G3BP1: variants seen among roughly 807,000 people sequenced by gnomAD.
The protein encoded by G3BP1 is ras GTPase-activating protein-binding protein 1.
Under a neutral mutation model 58.6 loss-of-function variants are expected in G3BP1, and 35 were observed. The ratio of observed to expected loss-of-function variants is 0.60; its 90% CI spans 0.46 to 0.79. G3BP1 has a LOEUF of 0.79. G3BP1 is among the 30% of genes least tolerant of loss of function. The pLI is 0.00. For missense variants in G3BP1, 523 were observed against 580.8 expected, an observed-to-expected ratio of 0.90 and a Z score of 1.02; for synonymous variants, 191 against 195.4, an observed-to-expected ratio of 0.98 and a Z score of 0.19.
chr5:151,782,969 T>G (rs1170600403), intron 1 of G3BP1, among the ~76,000 whole-genome samples: 1 of 149,670 alleles, frequency 6.7e-6, no homozygotes, highest in East Asian at 2.0e-4. Context: ...GCGATTCTCC[T>G]GCCTCAGCCT....
At position 151,804,137 on chromosome 5, in the gene G3BP1, G is replaced by A. The variant is rs373226920; in HGVS notation, c.*46G>A. On this transcript the variant is annotated 3_prime_UTR_variant, in exon 12 of 12. Transcript: ENST00000356245. The stretch of plus-strand genomic sequence containing the variant: ...AGCCATACAAACCCTGGTTCCAACA[G>A]AATGGTGAATTTTCGACAGCCTTTG... The A allele has an allele frequency of 2.0e-5, 28 of 1,383,788 alleles. 1 individual carries two copies. Among genetic ancestry groups the A allele is most frequent in the Non-Finnish European group, 2.8e-5 (28 of 1,002,712 alleles). 85.7% of individuals were successfully genotyped at this position (1,383,788 alleles called of 1,614,324 possible).
rs1219925489 is a variant in G3BP1, at chr5:151,805,998, A to C, written c.*1907A>C. On this transcript the variant is annotated 3_prime_UTR_variant, in exon 12 of 12. Coordinates refer to ENST00000356245, the MANE Select transcript of G3BP1 (RefSeq NM_005754.3). The stretch of plus-strand genomic sequence containing the variant: ...AGACTTAAGGGCATTAACTAGATGC[A>C]GCAATCCTCAGCTTGGTGTTATCAC... 1 of 152,232 alleles carries C rather than the reference A, an allele frequency of 6.6e-6. No homozygotes were observed. Among genetic ancestry groups the C allele is most frequent in the African/African-American group, 2.4e-5 (1 of 41,456 alleles). The allele number at this position is 152,232 out of a possible 1,614,324, so 9.4% of individuals were successfully genotyped here.
intron 1 of G3BP1, chr5:151,772,748 C>T (rs1335195076): frequency 6.6e-6 from 1 of 152,236 alleles, no homozygotes; most frequent in Non-Finnish European, 1.5e-5. Flanking sequence ...ACGGGAAGGG[C>T]GGGGATTTGT....
At chr5:151,779,661 C>T (rs190866746) in intron 1 of G3BP1, among the ~76,000 whole-genome samples, 5 of 152,282 alleles carry the variant, frequency 3.3e-5, no homozygotes, top group African/African-American at 9.6e-5. Flanking sequence ...GTTATGTGCT[C>T]GCTTTCTGGC....
In G3BP1 at chr5:151,809,941, C is replaced by G. The variant is rs1242305303; in HGVS notation, c.*5850C>G. 1 of 152,144 alleles carries G rather than the reference C, an allele frequency of 6.6e-6. No individual in the cohort carries two copies. Among genetic ancestry groups the G allele is most frequent in the Non-Finnish European group, 1.5e-5 (1 of 68,034 alleles). The allele number at this position is 152,144 out of a possible 1,614,324, so 9.4% of individuals were successfully genotyped here. Reference sequence around the variant, plus strand: ...CAGGGATGGGTTTACTACTAGCTGTCAGAAAGCTATTGGGTATCCTAATGT... The same window carrying G: ...CAGGGATGGGTTTACTACTAGCTGTGAGAAAGCTATTGGGTATCCTAATGT... On this transcript the variant is annotated 3_prime_UTR_variant, in exon 12 of 12. Transcript: ENST00000356245.
chr5:151,812,599 GACTCTGAGATTGCAC>G lies in G3BP1; in HGVS notation c.*8514_*8528del, dbSNP rs1763032033. 1 of 152,354 alleles carries G rather than the reference GACTCTGAGATTGCAC, an allele frequency of 6.6e-6. No homozygotes were observed. 9.4% of individuals were successfully genotyped at this position (152,354 alleles called of 1,614,324 possible). On this transcript the variant is annotated 3_prime_UTR_variant, in exon 12 of 12. Coordinates refer to ENST00000356245, the MANE Select transcript of G3BP1 (RefSeq NM_005754.3). Reference sequence around the variant, plus strand: ...CATTTGCTTTGGCCAGGTTGGGTGGGACTCTGAGATTGCACACTCTTGCCCTGTTGGCAGAAACTA... The same window carrying G: ...CATTTGCTTTGGCCAGGTTGGGTGGGACTCTTGCCCTGTTGGCAGAAACTA...
intron 11 of G3BP1, among the ~76,000 whole-genome samples, chr5:151,802,711 A>G (rs992200271): frequency 2.6e-5 from 4 of 152,200 alleles, no homozygotes; most frequent in African/African-American, 7.2e-5. Context: ...AGGCGGGCGG[A>G]TCACGAGGTC....
intron 1 of G3BP1, among the ~76,000 whole-genome samples, chr5:151,785,322 A>G (rs1762538654): frequency 6.6e-6 from 1 of 152,218 alleles, no homozygotes. Context: ...ATAAATACTA[A>G]TTGGGGTAGA....
chr5:151,788,965 C>T (rs940938417), intron 2 of G3BP1, among the ~76,000 whole-genome samples: 2 of 152,012 alleles, frequency 1.3e-5, no homozygotes, highest in South Asian at 2.1e-4. Flanking sequence ...TTGGTGGAGA[C>T]GGTTTCCCTG....
At chr5:151,790,002 A>C (rs1402007647) in intron 2 of G3BP1, among the ~76,000 whole-genome samples, 3 of 151,606 alleles carry the variant, frequency 2.0e-5, no homozygotes, top group Non-Finnish European at 2.9e-5. Context: ...AGTTGACCTT[A>C]TCTCTACTTA....
intron 3 of G3BP1, 146 bp from the exon 4 acceptor site, chr5:151,790,743 G>C: frequency 1.7e-6 from 1 of 586,238 alleles, no homozygotes; most frequent in South Asian, 2.5e-5. Flanking sequence ...AGTATACAAA[G>C]AAACATCAAA....
At position 151,804,911 on chromosome 5, in the gene G3BP1, C is replaced by T. The variant is rs1581585697; in HGVS notation, c.*820C>T. 6.6e-6 allele frequency: 1 copy of T among 152,546 alleles called. No homozygotes were observed. Among genetic ancestry groups the T allele is most frequent in the East Asian group, 1.9e-4 (1 of 5,182 alleles). The allele number at this position is 152,546 out of a possible 1,614,324, so 9.4% of individuals were successfully genotyped here. On this transcript the variant is annotated 3_prime_UTR_variant, in exon 12 of 12. Coordinates refer to ENST00000356245, the MANE Select transcript of G3BP1 (RefSeq NM_005754.3). Reference sequence around the variant, plus strand: ...TGTGCCTTCTATTTATCTTTGATTTCAGTCTTGGCAATTGTTTAAAAAAAA... The same window carrying T: ...TGTGCCTTCTATTTATCTTTGATTTTAGTCTTGGCAATTGTTTAAAAAAAA...
chr5:151,803,508 T>C lies in G3BP1; in HGVS notation c.1195-377T>C, dbSNP rs143598975. On this transcript the variant is annotated intron_variant, in intron 11 of 11. Transcript: ENST00000356245. ...TATAATCTGCTGGTTCTTTTTTTTT[T>C]CTGAGTCGGAGTCTCGCTCTTTTTC... 8.5e-5 allele frequency among the ~76,000 whole-genome samples: 13 copies of C among 152,200 alleles called. No homozygotes were observed. In the East Asian group the frequency reaches 2.5e-3, roughly 29 times the overall value.
At chr5:151,790,284 AC>A (rs756511006) in intron 2 of G3BP1, 38 bp from the exon 3 acceptor site, 2 of 1,108,188 alleles carry the variant, frequency 1.8e-6, no homozygotes, top group East Asian at 5.0e-5. Context: ...AACTTAAGAT[AC>A]TTGAAGATGA....
intron 1 of G3BP1, among the ~76,000 whole-genome samples, chr5:151,776,035 T>C (rs1201247788): frequency 6.6e-6 from 1 of 152,246 alleles, no homozygotes; most frequent in Non-Finnish European, 1.5e-5. Flanking sequence ...TGGATTTCCT[T>C]AGTTTTTCTA....
chr5:151,778,197 A>AT (rs1762405514), intron 1 of G3BP1, among the ~76,000 whole-genome samples: 3 of 152,130 alleles, frequency 2.0e-5, no homozygotes, highest in Admixed American at 2.0e-4. Context: ...TGGTTGTACC[A>AT]TTTTACATTG....
chr5:151,785,683 A>C (rs1306343621), intron 1 of G3BP1, among the ~76,000 whole-genome samples: 3 of 152,194 alleles, frequency 2.0e-5, no homozygotes, highest in African/African-American at 7.2e-5. Flanking sequence ...ATTTTACATG[A>C]TCACAATTTT....
chr5:151,775,975 A>T (rs1762362587), intron 1 of G3BP1, among the ~76,000 whole-genome samples: 1 of 152,250 alleles, frequency 6.6e-6, no homozygotes, highest in East Asian at 1.9e-4. Flanking sequence ...TACATTTAAC[A>T]GAACTGAGAA....
rs769011855 is a variant in G3BP1, at chr5:151,805,210, G to A, written c.*1119G>A. 3 of 152,070 alleles carry A rather than the reference G, an allele frequency of 2.0e-5. No individual in the cohort carries two copies. The highest frequency in any genetic ancestry group is 2.4e-5 in the African/African-American group (1 of 41,262). The allele number at this position is 152,070 out of a possible 1,614,324, so 9.4% of individuals were successfully genotyped here. ...AATATTGGACTTTGCTCATGTGCTC[G>A]TGTCCGCATTTTTTTTTTTCTTAAA... On this transcript the variant is annotated 3_prime_UTR_variant, in exon 12 of 12. Transcript: ENST00000356245.
Sources: gnomAD v4.1 joint callset for allele counts (sites outside exome capture counted in the v4.1 genomes callset) on GRCh38, gnomAD v4.1.1 for gene constraint, MANE v1.5 for transcripts, NCBI Gene and HGNC (gene_info 2026-07-23, HGNC 2026-07-21) for gene names.